FBXO39: variants seen among roughly 807,000 people sequenced by gnomAD.
FBXO39 encodes the protein F-box protein 39, also known as F-box only protein 39.
In FBXO39, 22 loss-of-function variants were observed where a neutral mutation model predicts 36.6. The ratio of observed to expected loss-of-function variants is 0.60; its 90% confidence interval spans 0.43 to 0.86. FBXO39 has a LOEUF of 0.86. Among genes scored for constraint, FBXO39 ranks in the 40% least tolerant of loss-of-function variants. FBXO39 has a pLI of 0.00. For synonymous variants in FBXO39, 206 were observed against 205.8 expected (o/e 1.00, Z -0.01); for missense variants, 536 against 543.9 (o/e 0.99, Z 0.14).
chr17:6,784,347 C>A (rs764526281), intron 2 of FBXO39, among the ~76,000 whole-genome samples: 20 of 151,964 alleles, frequency 1.3e-4, no homozygotes, highest in Non-Finnish European at 2.4e-4. Context: ...TCTTTAAGAT[C>A]CAGAACAGAG....
intron 1 of FBXO39, among the ~76,000 whole-genome samples, chr17:6,778,757 C>T (rs1391827332): frequency 3.9e-5 from 6 of 152,174 alleles, no homozygotes; most frequent in Non-Finnish European, 8.8e-5. Flanking sequence ...TAGCAGATGG[C>T]TATAAAATAT....
Position 6,787,253 on chromosome 17 carries a change from T to TGTGC in FBXO39, c.1201-46_1201-45insTGCG, listed in dbSNP as rs138181464. 184 of 1,551,862 alleles carry TGTGC rather than the reference T, an allele frequency of 1.2e-4. 1 individual carries two copies. Among genetic ancestry groups the TGTGC allele is most frequent in the South Asian group, 1.1e-3 (93 of 87,946 alleles). On this transcript the variant is annotated intron_variant, in intron 3 of 3. Coordinates refer to ENST00000321535, the MANE Select transcript of FBXO39 (RefSeq NM_153230.3). The stretch of plus-strand genomic sequence containing the variant: ...GTGTGTGTGTATGTGTGTGTGTGTG[T>TGTGC]GCGTGTGTGCGTGCTCATATGTGGA...
chr17:6,776,743 G>A (rs770689580), intron 1 of FBXO39, among the ~76,000 whole-genome samples: 5 of 152,056 alleles, frequency 3.3e-5, no homozygotes, highest in African/African-American at 9.7e-5. Flanking sequence ...CACTGTTCCC[G>A]GTGCTTTCCA....
At chr17:6,787,034 C>G (rs1976581169) in intron 3 of FBXO39, 78 bp downstream of exon 3, 1 of 1,479,162 alleles carries the variant, frequency 6.8e-7, no homozygotes, top group Non-Finnish European at 9.1e-7. Context: ...GAACGAAGGG[C>G]TGAATAAGGC....
chr17:6,780,052 A>C lies in FBXO39; in HGVS notation c.184A>C (p.Thr62Pro). 6.2e-7 allele frequency: 1 copy of C among 1,614,180 alleles called. No homozygotes were observed. The highest frequency in any genetic ancestry group is 8.5e-7 in the Non-Finnish European group (1 of 1,180,042). ...TGAGCTCTGGCGGTACAGAACCATC[A>C]CCTTCAGCGGGAGACCTTCCAGGGT... ...SAELWRYRTI[T>P]FSGRPSRVHA... Residue 62 changes from threonine to proline, a missense_variant, in exon 2 of 4, where the codon ACC (threonine) becomes CCC (proline). Thr to Pro is a conservative substitution (Grantham distance 38). Coordinates refer to ENST00000321535, the MANE Select transcript of FBXO39 (RefSeq NM_153230.3).
chr17:6,777,553 T>A (rs936223895), intron 1 of FBXO39, among the ~76,000 whole-genome samples: 2 of 152,234 alleles, frequency 1.3e-5, no homozygotes, highest in Non-Finnish European at 2.9e-5. Context: ...TTCGTGGAGC[T>A]TTTAAACTGG....
chr17:6,785,197 G>A (rs1400231572), intron 2 of FBXO39, among the ~76,000 whole-genome samples: 1 of 152,052 alleles, frequency 6.6e-6, no homozygotes, highest in Non-Finnish European at 1.5e-5. Context: ...TTCATCTGTA[G>A]TGAACTCATG....
intron 1 of FBXO39, among the ~76,000 whole-genome samples, chr17:6,779,533 C>T (rs1976476714): frequency 6.6e-6 from 1 of 152,166 alleles, no homozygotes; most frequent in Non-Finnish European, 1.5e-5. Flanking sequence ...GAGTAAGTCA[C>T]CCTGCATGTG....
intron 2 of FBXO39, among the ~76,000 whole-genome samples, chr17:6,782,595 G>T (rs756510068): frequency 6.6e-6 from 1 of 151,962 alleles, no homozygotes; most frequent in Non-Finnish European, 1.5e-5. Context: ...ATTTAATGCC[G>T]ATGGAAACCA....
At chr17:6,776,307 G>T (rs1187589829) in intron 1 of FBXO39, 35 bp downstream of exon 1, 1 of 152,390 alleles carries the variant, frequency 6.6e-6, no homozygotes, top group African/African-American at 2.4e-5. Context: ...CCCGAGCGGG[G>T]TTCAGCGAAC....
chr17:6,779,248 G>A (rs960178662), intron 1 of FBXO39, among the ~76,000 whole-genome samples: 3 of 152,156 alleles, frequency 2.0e-5, no homozygotes, highest in African/African-American at 7.2e-5. Context: ...GCTCCCACGT[G>A]ATCCAGTTCC....
In FBXO39 at chr17:6,780,763, G is replaced by T. The variant is rs200974896; in HGVS notation, c.895G>T (p.Ala299Ser). 2 of 1,614,116 alleles carry T rather than the reference G, an allele frequency of 1.2e-6. No individual in the cohort carries two copies. The highest frequency in any genetic ancestry group is 1.6e-4 in the Middle Eastern group (1 of 6,062). ...ACGGATCATGAAGTACGAACGCTTG[G>T]CCCGAATCCTCTTGCAGGAGATCCC... is the stretch of plus-strand genomic sequence containing the variant. The part of the protein sequence containing the change: ...FERIMKYERL[A>S]RILLQEIPIR... Residue 299 changes from alanine to serine, a missense_variant, in exon 2 of 4, where the codon GCC becomes TCC. Ala to Ser is a moderately conservative substitution (Grantham distance 99). Coordinates refer to ENST00000321535, the MANE Select transcript of FBXO39 (RefSeq NM_153230.3).
Position 6,780,850 on chromosome 17 carries a change from A to G in FBXO39, c.982A>G (p.Thr328Ala). The change falls in exon 2 of 4, where the codon ACT (threonine) becomes GCT (alanine). Residue 328 changes from threonine to alanine, a missense_variant. Thr to Ala is a moderately conservative substitution (Grantham distance 58). Coordinates refer to ENST00000321535, the MANE Select transcript of FBXO39 (RefSeq NM_153230.3). ...FSDPDCSMRP[T>A]LIDLLPTFRH... is the part of the protein sequence containing the mutation. ...TGACCCAGACTGTTCAATGAGACCC[A>G]CTCTGATAGATCTCCTGCCCACCTT... 6.2e-7 allele frequency: 1 copy of G among 1,613,554 alleles called. No individual in the cohort carries two copies. The highest frequency in any genetic ancestry group is 8.5e-7 in the Non-Finnish European group (1 of 1,179,982).
intron 2 of FBXO39, 118 bp from the exon 3 acceptor site, chr17:6,786,662 A>G (rs954914445): frequency 2.5e-6 from 2 of 798,312 alleles, no homozygotes; most frequent in South Asian, 2.0e-5. Flanking sequence ...TAAAGTTAAA[A>G]ACCCCCAAAT....
chr17:6,785,573 G>A (rs1209230368), intron 2 of FBXO39, among the ~76,000 whole-genome samples: 2 of 151,892 alleles, frequency 1.3e-5, no homozygotes, highest in African/African-American at 2.4e-5. Context: ...AGGAAGAATG[G>A]GAGAAAATAT....
Position 6,786,724 on chromosome 17 carries a change from T to A in FBXO39, c.1024-56T>A, listed in dbSNP as rs569417948. The A allele has an allele frequency of 9.5e-6, 14 of 1,467,718 alleles. No individual in the cohort carries two copies. The African/African-American group carries it at 1.5e-4, about 16-fold the overall frequency. The allele number at this position is 1,467,718 out of a possible 1,614,324, so 90.9% of individuals were successfully genotyped here. On this transcript the variant is annotated intron_variant, in intron 2 of 3. Coordinates refer to ENST00000321535, the MANE Select transcript of FBXO39 (RefSeq NM_153230.3). The stretch of plus-strand genomic sequence containing the variant: ...GGTCGTGGAAATGTTACAGAACAAC[T>A]CAGCCAGGCTCAGCATCTCTGCCCA...
In FBXO39 at chr17:6,787,428, A is replaced by AT; in HGVS notation, c.*1dup. Reference sequence around the variant, plus strand: ...TTGTCATCGTTTACTCTGTGATGTAATGAGCACTCTACAGATGAAGAAAGC... The same window carrying AT: ...TTGTCATCGTTTACTCTGTGATGTAATTGAGCACTCTACAGATGAAGAAAGC... On this transcript the variant is annotated 3_prime_UTR_variant, in exon 4 of 4. Transcript: ENST00000321535. 6.2e-7 allele frequency: 1 copy of AT among 1,613,824 alleles called. No homozygotes were observed. Among genetic ancestry groups the AT allele is most frequent in the Non-Finnish European group, 8.5e-7 (1 of 1,179,814 alleles).
Position 6,787,631 on chromosome 17 carries a change from CTA to C in FBXO39, c.*205_*206del, listed in dbSNP as rs1976592947. ...GAAGGCTCCAGGTGGCTTTAAAGCG[CTA>C]TGTTTACCAACTATCCCGGTGTCAT... is the stretch of plus-strand genomic sequence containing the variant. On this transcript the variant is annotated 3_prime_UTR_variant, in exon 4 of 4. Coordinates refer to ENST00000321535, the MANE Select transcript of FBXO39 (RefSeq NM_153230.3). 1 of 467,020 alleles carries C rather than the reference CTA, an allele frequency of 2.1e-6. No individual in the cohort carries two copies. Among genetic ancestry groups the C allele is most frequent in the Admixed American group, 3.4e-5 (1 of 29,696 alleles). The allele number at this position is 467,020 out of a possible 1,614,324, so 28.9% of individuals were successfully genotyped here. A position where few individuals can be genotyped will look rare whatever the true frequency, so the allele number is the denominator to read the frequency against.
rs59236708 is a variant in FBXO39 at position 6,785,246 on chromosome 17, C to T, written c.1024-1534C>T. 1.6e-3 allele frequency among the ~76,000 whole-genome samples: 247 copies of T among 152,166 alleles called. 4 individuals are homozygous for T. In the East Asian group the frequency reaches 0.031, roughly 19 times the overall value. ...CCAAAACCATACATTGGGAAAAGGACGATCTCCTCTTCAGTAAATGGTGCT... is the reference window on the plus strand; with the variant it reads ...CCAAAACCATACATTGGGAAAAGGATGATCTCCTCTTCAGTAAATGGTGCT... On this transcript the variant is annotated intron_variant, in intron 2 of 3. Coordinates refer to ENST00000321535, the MANE Select transcript of FBXO39 (RefSeq NM_153230.3).
Sources: allele counts gnomAD v4.1 joint callset (sites outside exome capture counted in the v4.1 genomes callset), GRCh38; gene constraint gnomAD v4.1.1; transcripts MANE v1.5; gene names NCBI Gene and HGNC (gene_info 2026-07-23, HGNC 2026-07-21).